Variants in KLF12 observed in about 807,000 individuals in gnomAD.
The protein encoded by KLF12 is KLF transcription factor 12.
KLF12 carries 9 observed loss-of-function variants against 37.8 expected under a neutral mutation model. That is an observed-to-expected ratio of 0.24 (90% CI 0.14 to 0.42). KLF12 has a LOEUF of 0.42. Ranked by LOEUF, KLF12 falls within the 10% of genes least tolerant of loss-of-function variation. KLF12 has a pLI of 1.00. For synonymous variants in KLF12, 208 were observed against 202.1 expected (o/e 1.03, Z -0.25); for missense variants, 411 against 516.0 (o/e 0.80, Z 1.97).
the KLF12 span, among the ~76,000 whole-genome samples, chr13:74,302,235 T>A: frequency 6.6e-6 from 1 of 152,156 alleles, no homozygotes; most frequent in African/African-American, 2.4e-5. Context: ...TCTATGTATA[T>A]AGTCATATGT....
intron 3 of KLF12, among the ~76,000 whole-genome samples, chr13:73,936,885 C>T (rs1889958269): frequency 6.6e-6 from 1 of 152,130 alleles, no homozygotes; most frequent in African/African-American, 2.4e-5. Flanking sequence ...AGCAAAACTC[C>T]TCTAAAGGTT....
Position 73,846,124 on chromosome 13 carries a change from A to T in KLF12, c.373T>A (p.Ser125Thr), listed in dbSNP as rs769706394. ...ACTGATGTGATAACAGTTGGGGATG[A>T]GGCTAGACGACTAGAAGACGATGAA... The change falls in exon 4 of 8, where the codon TCA (serine) becomes ACA (threonine). Residue 125 changes from serine (S) to threonine (T), a missense_variant. By Grantham distance (58) the Ser-to-Thr change is moderately conservative. Transcript: ENST00000377669. 6.2e-7 allele frequency: 1 copy of T among 1,614,118 alleles called. No individual in the cohort carries two copies.
chr13:74,128,101 GTTTTTC>G (rs1440961737), intron 1 of KLF12, among the ~76,000 whole-genome samples: 1 of 152,032 alleles, frequency 6.6e-6, no homozygotes, highest in Non-Finnish European at 1.5e-5. Context: ...AATTTCATGT[GTTTTTC>G]TTTTGACAAG....
intron 3 of KLF12, among the ~76,000 whole-genome samples, chr13:73,883,695 C>A (rs1046503593): frequency 8.5e-5 from 13 of 152,120 alleles, no homozygotes; most frequent in Admixed American, 7.2e-4. Context: ...GCTTATAACC[C>A]AGTGTGACAA....
chr13:74,100,960 A>G (rs1256706244), intron 1 of KLF12, among the ~76,000 whole-genome samples: 2 of 152,172 alleles, frequency 1.3e-5, no homozygotes, highest in African/African-American at 4.8e-5. Flanking sequence ...GCTCCCTGTC[A>G]GAAATCTCAT....
chr13:74,158,250 G>A, the KLF12 span, among the ~76,000 whole-genome samples: 3 of 152,170 alleles, frequency 2.0e-5, no homozygotes, highest in Non-Finnish European at 4.4e-5. Flanking sequence ...ACACATGTGC[G>A]GCTGCAGGAT....
the KLF12 span, among the ~76,000 whole-genome samples, chr13:74,213,240 T>C: frequency 6.6e-6 from 1 of 152,302 alleles, no homozygotes; most frequent in Admixed American, 6.5e-5. Context: ...TCATTGTTCA[T>C]GACATTGACT....
In KLF12 at chr13:74,039,730, A is replaced by G. The variant is rs879396397; in HGVS notation, c.-31-44677T>C. ...ATGTTATATTTCAAAAGCGTAATAC[A>G]ATTAGGATAAAGATAGAAATTCTTC... On this transcript the variant is annotated intron_variant, in intron 1 of 7. Coordinates refer to ENST00000377669, the MANE Select transcript of KLF12 (RefSeq NM_007249.5). Among the ~76,000 whole-genome samples the G allele has an allele frequency of 2.0e-5, 3 of 152,370 alleles. No individual in the cohort carries two copies. In the East Asian group the frequency reaches 5.8e-4, roughly 29 times the overall value.
chr13:73,759,258 T>A (rs908613654), intron 6 of KLF12, among the ~76,000 whole-genome samples: 15 of 152,190 alleles, frequency 9.9e-5, no homozygotes, highest in Non-Finnish European at 2.1e-4. Flanking sequence ...AAAAAGACCA[T>A]GAAGGCTTTG....
the KLF12 span, among the ~76,000 whole-genome samples, chr13:74,194,230 A>G: frequency 6.6e-6 from 1 of 152,200 alleles, no homozygotes; most frequent in Non-Finnish European, 1.5e-5. Flanking sequence ...GCAGCAGAGC[A>G]TGCATGAGTT....
intron 3 of KLF12, among the ~76,000 whole-genome samples, chr13:73,898,652 A>G (rs1594227695): frequency 6.6e-6 from 1 of 152,098 alleles, no homozygotes; most frequent in East Asian, 2.0e-4. Flanking sequence ...GTGGACAAGG[A>G]GGGGCTTACC....
At chr13:73,723,580 T>C (rs1218559838) in intron 6 of KLF12, among the ~76,000 whole-genome samples, 1 of 152,176 alleles carries the variant, frequency 6.6e-6, no homozygotes, top group Admixed American at 6.5e-5. Flanking sequence ...GCCCTCCTCA[T>C]TCTGGCATGG....
intron 4 of KLF12, among the ~76,000 whole-genome samples, chr13:73,817,111 GT>G (rs1883264412): frequency 1.3e-5 from 2 of 152,226 alleles, no homozygotes; most frequent in East Asian, 3.9e-4. Flanking sequence ...GAGCCCAGGA[GT>G]TTGAGACCAG....
chr13:73,739,276 A>ATAATAATAC (rs61627085), intron 6 of KLF12, among the ~76,000 whole-genome samples: 1 of 143,152 alleles, frequency 7.0e-6, no homozygotes, highest in African/African-American at 2.5e-5. Context: ...AATAATAATA[A>ATAATAATAC]ATGTACTTGT....
At chr13:74,222,645 A>C in the KLF12 span, among the ~76,000 whole-genome samples, 29,678 of 152,200 alleles carry the variant, frequency 0.19, 3,646 homozygotes, top group African/African-American at 0.35. Context: ...TCATAATAGA[A>C]TTTTAATTAT....
chr13:74,194,247 CCAGAATATAGCACACAG>C, the KLF12 span, among the ~76,000 whole-genome samples: 1 of 152,108 alleles, frequency 6.6e-6, no homozygotes. Context: ...AGTTCTGGAA[CCAGAATATAGCACACAG>C]AGCAGAAATG....
At chr13:74,067,742 A>T (rs1386555011) in intron 1 of KLF12, among the ~76,000 whole-genome samples, 1 of 152,200 alleles carries the variant, frequency 6.6e-6, no homozygotes, top group Non-Finnish European at 1.5e-5. Flanking sequence ...GCAGTGGATA[A>T]ATGACAGAGA....
rs139007871 is a variant in KLF12, at chr13:73,720,603, T to C, written c.870-5078A>G. On this transcript the variant is annotated intron_variant, in intron 6 of 7. Transcript: ENST00000377669. ...TGAACACCTGAGGGGGCCTCACAGG[T>C]ACCACGTTGTAATAATTAGATCTAG... is the stretch of plus-strand genomic sequence containing the variant. Among the ~76,000 whole-genome samples, 23 of 152,262 alleles carry C rather than the reference T, an allele frequency of 1.5e-4. No individual in the cohort carries two copies. The East Asian group carries it at 4.5e-3, about 29-fold the overall frequency.
intron 2 of KLF12, among the ~76,000 whole-genome samples, chr13:73,956,999 GGGAAA>G (rs1566481591): frequency 7.8e-6 from 1 of 128,410 alleles, no homozygotes; most frequent in Admixed American, 9.3e-5. Flanking sequence ...AGGGAAAGGA[GGGAAA>G]GGAAAGGAAA....
Sources: allele counts gnomAD v4.1 joint callset (sites outside exome capture counted in the v4.1 genomes callset), GRCh38; gene constraint gnomAD v4.1.1; transcripts MANE v1.5; gene names NCBI Gene and HGNC (gene_info 2026-07-23, HGNC 2026-07-21).